CGNL1: variants seen among roughly 807,000 people sequenced by gnomAD.
CGNL1 encodes the protein cingulin like 1, also known as cingulin-like protein 1.
Under a neutral mutation model 141.2 loss-of-function variants are expected in CGNL1, and 132 were observed. The observed-to-expected ratio is 0.93, with a 90% CI of 0.81 to 1.08. CGNL1 has a LOEUF of 1.08. Ranked by LOEUF, CGNL1 falls within the 50% of genes least tolerant of loss-of-function variation. The pLI is 0.00. For missense variants in CGNL1, 1,870 were observed against 1,588.6 expected, an observed-to-expected ratio of 1.18 and a Z score of -3.01; for synonymous variants, 690 against 622.1, an observed-to-expected ratio of 1.11 and a Z score of -1.63.
intron 8 of CGNL1, among the ~76,000 whole-genome samples, chr15:57,506,066 A>G (rs937154346): frequency 4.6e-5 from 7 of 152,314 alleles, no homozygotes; most frequent in African/African-American, 1.7e-4. Context: ...TTCTTCAAAA[A>G]TCCTGTTGAA....
At chr15:57,378,574 G>C (rs1056916837) in intron 1 of CGNL1, among the ~76,000 whole-genome samples, 2 of 151,542 alleles carry the variant, frequency 1.3e-5, no homozygotes, top group South Asian at 2.1e-4. Flanking sequence ...GTAGAGACAG[G>C]GTTTCGCCAT....
intron 3 of CGNL1, among the ~76,000 whole-genome samples, chr15:57,440,768 CTT>C (rs1200627231): frequency 7.6e-4 from 115 of 152,268 alleles, no homozygotes; most frequent in Non-Finnish European, 1.3e-4. Flanking sequence ...AGTTTCTACT[CTT>C]CAGGTTTGAA....
chr15:57,378,453 C>T (rs950601428), intron 1 of CGNL1, among the ~76,000 whole-genome samples: 19 of 132,962 alleles, frequency 1.4e-4, no homozygotes, highest in Admixed American at 2.7e-4. Flanking sequence ...GCAATCTCAG[C>T]TTACGGCAGC....
intron 8 of CGNL1, among the ~76,000 whole-genome samples, chr15:57,488,145 A>G (rs2097827078): frequency 6.6e-6 from 1 of 152,116 alleles, no homozygotes; most frequent in African/African-American, 2.4e-5. Context: ...CATTTCTCTG[A>G]TAACTAATGA....
chr15:57,499,347 G>A lies in CGNL1; in HGVS notation c.2404-17433G>A, dbSNP rs1178071200. ...TGCAACCTCTGGCTTCCAGGTTCAA[G>A]TGATTCTCCTGCCTTGAGTAGCTGG... On this transcript the variant is annotated intron_variant, in intron 8 of 18. Transcript: ENST00000281282. 4.1e-5 allele frequency among the ~76,000 whole-genome samples: 6 copies of A among 146,318 alleles called. No homozygotes were observed. In the East Asian group the frequency reaches 1.2e-3, roughly 29 times the overall value.
At chr15:57,381,862 G>A (rs76074970) in intron 1 of CGNL1, among the ~76,000 whole-genome samples, 3,189 of 152,268 alleles carry the variant, frequency 0.021, 90 homozygotes, top group African/African-American at 0.056. Flanking sequence ...AGGCCACTGC[G>A]ACCTTGTGAT....
chr15:57,395,443 C>T (rs1306731874), intron 1 of CGNL1, among the ~76,000 whole-genome samples: 1 of 152,256 alleles, frequency 6.6e-6, no homozygotes, highest in Non-Finnish European at 1.5e-5. Context: ...ACTAGTGATT[C>T]ACCCTTCTTG....
intron 7 of CGNL1, 73 bp from the exon 8 acceptor site, chr15:57,461,607 T>G: frequency 7.8e-7 from 1 of 1,287,984 alleles, no homozygotes; most frequent in Non-Finnish European, 1.1e-6. Context: ...GGGACTGAAC[T>G]GGAGGGGAGA....
chr15:57,540,770 C>T (rs149518266), intron 14 of CGNL1, among the ~76,000 whole-genome samples: 11 of 152,314 alleles, frequency 7.2e-5, no homozygotes, highest in East Asian at 1.9e-4. Context: ...ATATGGAGAG[C>T]GGGCACTTTC....
intron 7 of CGNL1, among the ~76,000 whole-genome samples, chr15:57,455,887 T>C (rs1427904708): frequency 6.6e-6 from 1 of 152,162 alleles, no homozygotes; most frequent in East Asian, 1.9e-4. Flanking sequence ...ATAGCACATA[T>C]TTTCTTAAAC....
chr15:57,513,165 C>A (rs1240313049), intron 8 of CGNL1, among the ~76,000 whole-genome samples: 1 of 151,956 alleles, frequency 6.6e-6, no homozygotes, highest in Non-Finnish European at 1.5e-5. Flanking sequence ...CCTCCCTGTA[C>A]CTCCCTGTAG....
chr15:57,440,240 G>T, intron 2 of CGNL1, 137 bp from the exon 3 acceptor site: 1 of 648,440 alleles, frequency 1.5e-6, no homozygotes, highest in Admixed American at 2.8e-5. Flanking sequence ...GAGAAGTTAA[G>T]TAACTTCCCC....
chr15:57,439,522 A>T lies in CGNL1; in HGVS notation c.1523A>T (p.Asn508Ile), dbSNP rs1247526327. ...KTATATLMLQ[N>I]RATATSPDSG... The stretch of plus-strand genomic sequence containing the variant: ...GCCACCGCTACGCTGATGTTACAGA[A>T]CCGGGCAACAGCAACTTCGCCTGAT... The change falls in exon 2 of 19, where the codon AAC becomes ATC. Residue 508 changes from asparagine to isoleucine, a missense_variant. Physicochemically the swap from Asn to Ile is moderately radical, Grantham distance 149 (BLOSUM62 -3). Coordinates refer to ENST00000281282, the MANE Select transcript of CGNL1 (RefSeq NM_032866.5). The T allele has an allele frequency of 6.2e-7, 1 of 1,614,170 alleles. No homozygotes were observed. The highest frequency in any genetic ancestry group is 2.2e-5 in the East Asian group (1 of 44,894).
intron 4 of CGNL1, among the ~76,000 whole-genome samples, chr15:57,444,555 T>G (rs116169538): frequency 8.9e-4 from 135 of 152,310 alleles, no homozygotes; most frequent in African/African-American, 3.1e-3. Flanking sequence ...ATTGTCCTTG[T>G]GGGTCACAGA....
chr15:57,499,396 C>A (rs1279625005), intron 8 of CGNL1, among the ~76,000 whole-genome samples: 5 of 151,872 alleles, frequency 3.3e-5, no homozygotes, highest in African/African-American at 1.2e-4. Flanking sequence ...TGCCACCACA[C>A]CTGGCTAATT....
chr15:57,530,141 T>A (rs1324177304), intron 13 of CGNL1, among the ~76,000 whole-genome samples: 2 of 152,232 alleles, frequency 1.3e-5, no homozygotes, highest in Non-Finnish European at 2.9e-5. Flanking sequence ...CCCTTAACAC[T>A]CCTGCTGGGT....
chr15:57,409,552 C>G (rs1706377), intron 1 of CGNL1, among the ~76,000 whole-genome samples: 108,298 of 151,942 alleles, frequency 0.71, 38,741 homozygotes, highest in Middle Eastern at 0.82. Context: ...GCCATGGTGT[C>G]GGGATGGAGA....
intron 3 of CGNL1, among the ~76,000 whole-genome samples, chr15:57,441,971 G>C (rs749014636): frequency 3.3e-5 from 5 of 152,014 alleles, no homozygotes; most frequent in African/African-American, 1.2e-4. Flanking sequence ...TGTACAGCAT[G>C]TTTGTGTGTG....
In CGNL1 at chr15:57,502,892, C is replaced by T. The variant is rs548444249; in HGVS notation, c.2404-13888C>T. Reference sequence around the variant, plus strand: ...GTTGTGACTGCCTCAGGTCACAGACCGACCCAGGGGCTGCCCTGGGACCAA... The same window carrying T: ...GTTGTGACTGCCTCAGGTCACAGACTGACCCAGGGGCTGCCCTGGGACCAA... On this transcript the variant is annotated intron_variant, in intron 8 of 18. Coordinates refer to ENST00000281282, the MANE Select transcript of CGNL1 (RefSeq NM_032866.5). Among the ~76,000 whole-genome samples, 6 of 152,266 alleles carry T rather than the reference C, an allele frequency of 3.9e-5. No homozygotes were observed. In the South Asian group the frequency reaches 1.2e-3, roughly 32 times the overall value.
Sources: allele counts gnomAD v4.1 joint callset (sites outside exome capture counted in the v4.1 genomes callset), GRCh38; gene constraint gnomAD v4.1.1; transcripts MANE v1.5; gene names NCBI Gene and HGNC (gene_info 2026-07-23, HGNC 2026-07-21).